Variants in CEMIP observed in about 807,000 individuals in gnomAD.
CEMIP encodes cell migration inducing hyaluronidase 1, also known as cell migration-inducing and hyaluronan-binding protein.
In CEMIP, 105 loss-of-function variants were observed where a neutral mutation model predicts 156.9. The ratio of observed to expected loss-of-function variants is 0.67; its 90% CI spans 0.57 to 0.79. The LOEUF (loss-of-function observed/expected upper bound fraction) is 0.79, where lower values mean the gene tolerates loss of function less well. Ranked by LOEUF, CEMIP falls within the 30% of genes least tolerant of loss-of-function variation. CEMIP has a pLI of 0.00. For synonymous variants in CEMIP, 676 were observed against 668.4 expected, an observed-to-expected ratio of 1.01 and a Z score of -0.17; for missense variants, 1,457 against 1,769.4, an observed-to-expected ratio of 0.82 and a Z score of 3.17.
intron 4 of CEMIP, among the ~76,000 whole-genome samples, chr15:80,879,484 C>T (rs111685463): frequency 7.9e-4 from 121 of 152,268 alleles, no homozygotes; most frequent in African/African-American, 2.8e-3. Flanking sequence ...ATTTAATCAG[C>T]GACTGGAGCA....
At chr15:80,847,416 A>G (rs1310531224) in intron 1 of CEMIP, among the ~76,000 whole-genome samples, 3 of 152,210 alleles carry the variant, frequency 2.0e-5, no homozygotes, top group Non-Finnish European at 4.4e-5. Context: ...AATACATTAC[A>G]TCAATAAACC....
chr15:80,944,799 T>C (rs528132455), intron 28 of CEMIP, among the ~76,000 whole-genome samples: 2 of 152,220 alleles, frequency 1.3e-5, no homozygotes, highest in South Asian at 4.1e-4. Flanking sequence ...AAATGAAAGA[T>C]GATGCAGAAG....
intron 28 of CEMIP, among the ~76,000 whole-genome samples, chr15:80,943,974 G>A (rs563740030): frequency 1.1e-4 from 17 of 152,062 alleles, no homozygotes; most frequent in African/African-American, 2.2e-4. Context: ...GGTCTTTTCC[G>A]ATCCAACCCA....
At chr15:80,876,024 C>G (rs1358232356) in intron 3 of CEMIP, among the ~76,000 whole-genome samples, 1 of 152,246 alleles carries the variant, frequency 6.6e-6, no homozygotes, top group African/African-American at 2.4e-5. Flanking sequence ...GTGAAAAGAA[C>G]AGTCAGGATT....
intron 18 of CEMIP, 47 bp from the exon 19 acceptor site, chr15:80,925,577 G>C (rs574208098): frequency 3.1e-6 from 5 of 1,604,920 alleles, no homozygotes; most frequent in Admixed American, 3.3e-5. Flanking sequence ...CAGCAGAGGC[G>C]TGCCCCCAAC....
chr15:80,862,454 G>A (rs981440659), intron 1 of CEMIP, among the ~76,000 whole-genome samples: 5 of 152,268 alleles, frequency 3.3e-5, no homozygotes, highest in East Asian at 1.9e-4. Context: ...GGTGGAGAGC[G>A]ACCCAGCTAC....
chr15:80,930,714 G>A (rs1027175268), intron 21 of CEMIP, among the ~76,000 whole-genome samples: 1 of 152,146 alleles, frequency 6.6e-6, no homozygotes, highest in African/African-American at 2.4e-5. Flanking sequence ...CTGTGCCTAG[G>A]GTCTTCCTCA....
rs558754099 is a variant in CEMIP, at chr15:80,894,859, G to A, written c.1087-131G>A. On this transcript the variant is annotated intron_variant, in intron 10 of 29. Transcript: ENST00000394685. ...GGGCAATCATTGGGATAATCATCTC[G>A]GGCCGTTGTAAATAGTGTTGCAGCA... is the stretch of plus-strand genomic sequence containing the variant. 193 of 1,091,504 alleles carry A rather than the reference G, an allele frequency of 1.8e-4. 1 individual carries two copies. Among genetic ancestry groups the A allele is most frequent in the South Asian group, 1.5e-3 (119 of 77,312 alleles). The allele number at this position is 1,091,504 out of a possible 1,614,324, so 67.6% of individuals were successfully genotyped here.
intron 1 of CEMIP, among the ~76,000 whole-genome samples, chr15:80,785,160 C>A (rs1206705000): frequency 6.6e-6 from 1 of 152,204 alleles, no homozygotes; most frequent in Non-Finnish European, 1.5e-5. Flanking sequence ...CTTTGCCTGG[C>A]AGAGGCATTT....
At chr15:80,803,476 T>A (rs1317624386) in intron 1 of CEMIP, among the ~76,000 whole-genome samples, 3 of 146,104 alleles carry the variant, frequency 2.1e-5, no homozygotes, top group African/African-American at 8.3e-5. Flanking sequence ...AAAAAAAAAA[T>A]GAAAAAGAAT....
chr15:80,895,177 T>A, intron 11 of CEMIP, 55 bp downstream of exon 11: 1 of 1,611,866 alleles, frequency 6.2e-7, no homozygotes, highest in South Asian at 1.1e-5. Context: ...TTCCTTGAAC[T>A]GGCAGCTATG....
chr15:80,889,984 G>T (rs1417102061), intron 10 of CEMIP, among the ~76,000 whole-genome samples: 1 of 152,204 alleles, frequency 6.6e-6, no homozygotes, highest in African/African-American at 2.4e-5. Flanking sequence ...GAGAACACAC[G>T]CATGGCCTTG....
At chr15:80,823,969 G>C (rs1896968519) in intron 1 of CEMIP, among the ~76,000 whole-genome samples, 2 of 152,174 alleles carry the variant, frequency 1.3e-5, no homozygotes, top group Admixed American at 1.3e-4. Context: ...CCAATGTGCA[G>C]ACTCTAAGAC....
chr15:80,886,518 G>A (rs368732759), intron 7 of CEMIP, among the ~76,000 whole-genome samples: 5 of 152,106 alleles, frequency 3.3e-5, no homozygotes, highest in Non-Finnish European at 5.9e-5. Flanking sequence ...CACCAAAATC[G>A]ATTGATAGCT....
At chr15:80,889,033 C>T (rs536418801) in intron 9 of CEMIP, among the ~76,000 whole-genome samples, 47 of 152,310 alleles carry the variant, frequency 3.1e-4, no homozygotes, top group African/African-American at 1.1e-3. Context: ...TCAGGGTCTG[C>T]GGCATTCAGC....
intron 1 of CEMIP, among the ~76,000 whole-genome samples, chr15:80,826,823 GC>G (rs757937544): frequency 6.6e-6 from 1 of 152,072 alleles, no homozygotes; most frequent in Non-Finnish European, 1.5e-5. Context: ...GCTCCTTATT[GC>G]CTCTCACCCA....
chr15:80,911,439 G>A (rs1344878739), intron 14 of CEMIP, among the ~76,000 whole-genome samples: 1 of 152,186 alleles, frequency 6.6e-6, no homozygotes, highest in African/African-American at 2.4e-5. Context: ...CTTTACTAAA[G>A]AGAAAGATAT....
At chr15:80,924,576 C>A in intron 17 of CEMIP, 45 bp from the exon 18 acceptor site, 1 of 1,539,404 alleles carries the variant, frequency 6.5e-7, no homozygotes, top group Non-Finnish European at 9.0e-7. Flanking sequence ...ATGCCTGTAG[C>A]CCACAGTAGA....
rs146487024 is a variant in CEMIP at position 80,819,285 on chromosome 15, T to C, written c.-176+39671T>C. Among the ~76,000 whole-genome samples the C allele has an allele frequency of 2.6e-3, 390 of 152,320 alleles. 1 individual carries two copies. The highest frequency in any genetic ancestry group is 8.5e-3 in the African/African-American group (353 of 41,570). ...GTGTGGTTAGGAGCTCAGGAAGCCA[T>C]GGAGAGGCACAGGATTTGAAATCTG... On this transcript the variant is annotated intron_variant, in intron 1 of 29. Transcript: ENST00000394685.
Sources: allele counts gnomAD v4.1 joint callset (sites outside exome capture counted in the v4.1 genomes callset), GRCh38; gene constraint gnomAD v4.1.1; transcripts MANE v1.5; gene names NCBI Gene and HGNC (gene_info 2026-07-23, HGNC 2026-07-21).